DSCAM: variants seen among roughly 807,000 people sequenced by gnomAD.
The protein encoded by DSCAM is cell adhesion molecule DSCAM.
In DSCAM, 47 loss-of-function variants were observed where a neutral mutation model predicts 217.7. The ratio of observed to expected loss-of-function variants is 0.22; its 90% CI spans 0.17 to 0.28. The LOEUF (loss-of-function observed/expected upper bound fraction) is 0.28, where lower values mean the gene tolerates loss of function less well. DSCAM is among the 10% of genes least tolerant of loss of function. The pLI is 1.00. For missense variants in DSCAM, 2,080 were observed against 2,618.3 expected, an observed-to-expected ratio of 0.79 and a Z score of 4.49; for synonymous variants, 1,056 against 1,015.3, an observed-to-expected ratio of 1.04 and a Z score of -0.76.
chr21:40,123,911 G>T (rs1191406089), intron 20 of DSCAM, among the ~76,000 whole-genome samples: 3 of 152,124 alleles, frequency 2.0e-5, no homozygotes, highest in Non-Finnish European at 4.4e-5. Context: ...CACAATCAAG[G>T]CCTCTGGGTT....
intron 3 of DSCAM, among the ~76,000 whole-genome samples, chr21:40,461,685 G>A (rs1293027711): frequency 6.6e-6 from 1 of 152,232 alleles, no homozygotes; most frequent in Non-Finnish European, 1.5e-5. Context: ...TGACTTTAAT[G>A]TAGGGAGATT....
chr21:40,413,644 G>T (rs979915272), intron 3 of DSCAM, among the ~76,000 whole-genome samples: 5 of 152,170 alleles, frequency 3.3e-5, no homozygotes, highest in Admixed American at 6.5e-5. Context: ...AAAGATACAG[G>T]ATGACTGAAA....
At chr21:40,302,647 C>T (rs1157124610) in intron 9 of DSCAM, among the ~76,000 whole-genome samples, 6 of 152,134 alleles carry the variant, frequency 3.9e-5, no homozygotes, top group Non-Finnish European at 7.3e-5. Context: ...ATCATAATTA[C>T]GTGCACATAA....
chr21:40,095,158 G>A (rs924154517), intron 20 of DSCAM, among the ~76,000 whole-genome samples: 1 of 152,242 alleles, frequency 6.6e-6, no homozygotes, highest in Non-Finnish European at 1.5e-5. Flanking sequence ...ATGAGGCCAA[G>A]CAAAAGGGGT....
chr21:40,634,873 A>C (rs2410258), intron 3 of DSCAM, among the ~76,000 whole-genome samples: 139,150 of 152,246 alleles, frequency 0.91, 63,729 homozygotes, highest in African/African-American at 0.96. Flanking sequence ...GCCTCAACCT[A>C]CTATCACCCT....
chr21:40,101,665 T>A (rs1010018774), intron 20 of DSCAM, among the ~76,000 whole-genome samples: 3 of 152,048 alleles, frequency 2.0e-5, no homozygotes, highest in African/African-American at 7.2e-5. Context: ...AGGGGAAGAT[T>A]TGGGTATTTG....
intron 3 of DSCAM, among the ~76,000 whole-genome samples, chr21:40,478,178 G>C (rs1296027174): frequency 6.6e-6 from 1 of 152,142 alleles, no homozygotes; most frequent in Admixed American, 6.5e-5. Context: ...GTTGTGTGTA[G>C]TTGTTGGCTG....
At chr21:40,610,416 C>G (rs532875372) in intron 3 of DSCAM, among the ~76,000 whole-genome samples, 1 of 152,318 alleles carries the variant, frequency 6.6e-6, no homozygotes, top group East Asian at 1.9e-4. Context: ...TGTAAAGAGC[C>G]CAGCACGGGC....
chr21:40,737,402 C>T (rs1173224911), intron 1 of DSCAM, among the ~76,000 whole-genome samples: 7 of 152,126 alleles, frequency 4.6e-5, no homozygotes, highest in African/African-American at 1.4e-4. Context: ...TTTTAGGAGG[C>T]CGAAGCAGGT....
Position 40,605,791 on chromosome 21 carries a change from C to CTTTTTTTTTTTTTT in DSCAM, c.508+87005_508+87018dup, listed in dbSNP as rs755767800. ...CTTATATATGTGCTTAATGCACATT[C>CTTTTTTTTTTTTTT]TTTTTTTTTTTTTTTTTTTTTTTTT... On this transcript the variant is annotated intron_variant, in intron 3 of 32. Coordinates refer to ENST00000400454, the MANE Select transcript of DSCAM (RefSeq NM_001389.5). Among the ~76,000 whole-genome samples, 11 of 62,006 alleles carry CTTTTTTTTTTTTTT rather than the reference C, an allele frequency of 1.8e-4. 2 individuals carry two copies. Among genetic ancestry groups the CTTTTTTTTTTTTTT allele is most frequent in the African/African-American group, 7.0e-4 (11 of 15,822 alleles). The allele number at this position is 62,006 out of a possible 152,430, so 40.7% of individuals were successfully genotyped here.
chr21:40,506,758 T>A (rs928534712), intron 3 of DSCAM, among the ~76,000 whole-genome samples: 1 of 152,188 alleles, frequency 6.6e-6, no homozygotes, highest in Non-Finnish European at 1.5e-5. Context: ...AACTGTTACA[T>A]TGGAAACATC....
intron 4 of DSCAM, among the ~76,000 whole-genome samples, chr21:40,359,205 T>C (rs57984506): frequency 0.021 from 3,153 of 152,306 alleles, 105 homozygotes; most frequent in African/African-American, 0.073. Context: ...TGCACACATA[T>C]ACATCTCACG....
intron 3 of DSCAM, among the ~76,000 whole-genome samples, chr21:40,598,242 T>A (rs1333599634): frequency 6.6e-6 from 1 of 152,216 alleles, no homozygotes; most frequent in Non-Finnish European, 1.5e-5. Flanking sequence ...TGTGGCTGTA[T>A]GCATTTAAGG....
chr21:40,353,195 A>AAT (rs2074652300), intron 5 of DSCAM, among the ~76,000 whole-genome samples: 1 of 152,326 alleles, frequency 6.6e-6, no homozygotes, highest in South Asian at 2.1e-4. Flanking sequence ...TTGGAAATGT[A>AAT]ATAGTCTGTG....
intron 28 of DSCAM, among the ~76,000 whole-genome samples, chr21:40,057,234 C>G (rs79055915): frequency 6.6e-6 from 1 of 152,194 alleles, no homozygotes; most frequent in Non-Finnish European, 1.5e-5. Context: ...TTTGTCCTGA[C>G]TTTTCACATG....
intron 10 of DSCAM, among the ~76,000 whole-genome samples, chr21:40,287,920 G>A (rs1391058039): frequency 6.6e-6 from 1 of 152,150 alleles, no homozygotes; most frequent in Non-Finnish European, 1.5e-5. Flanking sequence ...TATGGAATTG[G>A]GGAAACTACA....
intron 3 of DSCAM, among the ~76,000 whole-genome samples, chr21:40,616,799 C>A (rs1015921967): frequency 1.3e-5 from 2 of 151,960 alleles, no homozygotes; most frequent in Non-Finnish European, 2.9e-5. Context: ...GAGCGGATCA[C>A]GAGGTCAGGA....
intron 28 of DSCAM, among the ~76,000 whole-genome samples, chr21:40,061,924 C>T (rs1328718541): frequency 6.6e-6 from 1 of 152,190 alleles, no homozygotes; most frequent in Non-Finnish European, 1.5e-5. Flanking sequence ...TTGACATTTT[C>T]CCTACTTATT....
At chr21:40,806,987 A>C (rs1211586985) in intron 1 of DSCAM, among the ~76,000 whole-genome samples, 1 of 152,134 alleles carries the variant, frequency 6.6e-6, no homozygotes, top group Non-Finnish European at 1.5e-5. Flanking sequence ...GAGGGAAAAC[A>C]TTAGGAGAAA....
Sources: allele counts gnomAD v4.1 joint callset (sites outside exome capture counted in the v4.1 genomes callset), GRCh38; gene constraint gnomAD v4.1.1; transcripts MANE v1.5; gene names NCBI Gene and HGNC (gene_info 2026-07-23, HGNC 2026-07-21).